Variants in COG5 observed in about 807,000 individuals in gnomAD.
COG5 encodes the protein conserved oligomeric Golgi complex subunit 5.
In COG5, 86 loss-of-function variants were observed where a neutral mutation model predicts 110.4. That is an observed-to-expected ratio of 0.78 (90% CI 0.65 to 0.93). The LOEUF (loss-of-function observed/expected upper bound fraction) is 0.93. Ranked by LOEUF, COG5 falls within the 40% of genes least tolerant of loss-of-function variation. The pLI is 0.00. For synonymous variants in COG5, 360 were observed against 334.6 expected, an observed-to-expected ratio of 1.08 and a Z score of -0.83; for missense variants, 1,077 against 987.0, an observed-to-expected ratio of 1.09 and a Z score of -1.22.
rs541629993 is a variant in COG5, at chr7:107,482,301, C to T, written c.538+44936G>A. Among the ~76,000 whole-genome samples, 13 of 151,746 alleles carry T rather than the reference C, an allele frequency of 8.6e-5. No homozygotes were observed. In the East Asian group the frequency reaches 2.3e-3, roughly 27 times the overall value. ...CGGACTACAGGCAGGCACCACCATA[C>T]CCAGCTAATTAAAAAAAAAAATTTT... On this transcript the variant is annotated intron_variant, in intron 6 of 21. Transcript: ENST00000297135.
chr7:107,451,943 C>T (rs1795365527), intron 6 of COG5, among the ~76,000 whole-genome samples: 1 of 152,060 alleles, frequency 6.6e-6, no homozygotes, highest in Non-Finnish European at 1.5e-5. Flanking sequence ...GAGTCAGCAA[C>T]CCTAGCCCCC....
At chr7:107,256,109 C>T (rs984369435) in intron 16 of COG5, among the ~76,000 whole-genome samples, 1 of 151,964 alleles carries the variant, frequency 6.6e-6, no homozygotes, top group African/African-American at 2.4e-5. Flanking sequence ...GAATCTCATA[C>T]CATTATTGTT....
At position 107,202,658 on chromosome 7, in the gene COG5, G is replaced by A. The variant is rs1262397847; in HGVS notation, c.*858C>T. ...TCCTAACACTGCTAATTAGGAGGCT[G>A]CTGATAGGATTTTAAAAATTAAAAA... On this transcript the variant is annotated 3_prime_UTR_variant, in exon 22 of 22. Coordinates refer to ENST00000297135, the MANE Select transcript of COG5 (RefSeq NM_006348.5). 6.6e-6 allele frequency: 1 copy of A among 152,120 alleles called. No individual in the cohort carries two copies. Among genetic ancestry groups the A allele is most frequent in the African/African-American group, 2.4e-5 (1 of 41,404 alleles). 9.4% of individuals were successfully genotyped at this position (152,120 alleles called of 1,614,324 possible). A position where few individuals can be genotyped will look rare whatever the true frequency, so the allele number is the denominator to read the frequency against.
At chr7:107,272,110 A>G (rs1259138782) in intron 14 of COG5, among the ~76,000 whole-genome samples, 1 of 152,112 alleles carries the variant, frequency 6.6e-6, no homozygotes, top group African/African-American at 2.4e-5. Context: ...TCCCAGAAAA[A>G]TTCTGTGAAA....
At chr7:107,289,967 G>A (rs1806029413) in intron 12 of COG5, among the ~76,000 whole-genome samples, 2 of 152,134 alleles carry the variant, frequency 1.3e-5, no homozygotes, top group African/African-American at 4.8e-5. Flanking sequence ...GCTGCAAGAT[G>A]GAAGGCCACA....
chr7:107,294,878 G>GCTA (rs371922839), intron 12 of COG5, among the ~76,000 whole-genome samples: 22,728 of 85,926 alleles, frequency 0.26, 2,381 homozygotes, highest in Middle Eastern at 0.34. Context: ...ACCATGCCTG[G>GCTA]ATTTGTGTGT....
chr7:107,499,614 C>T (rs1798509801), intron 6 of COG5, among the ~76,000 whole-genome samples: 1 of 151,974 alleles, frequency 6.6e-6, no homozygotes, highest in Non-Finnish European at 1.5e-5. Context: ...ACCATGTTGG[C>T]CCAGCTGGTC....
At chr7:107,385,258 A>G (rs544640545) in intron 7 of COG5, among the ~76,000 whole-genome samples, 7 of 152,342 alleles carry the variant, frequency 4.6e-5, no homozygotes, top group South Asian at 2.1e-4. Context: ...TCAAGAGTTC[A>G]AGGTGTTCTG....
chr7:107,369,568 T>C (rs1222776113), intron 8 of COG5, among the ~76,000 whole-genome samples: 1 of 151,890 alleles, frequency 6.6e-6, no homozygotes, highest in East Asian at 1.9e-4. Flanking sequence ...TCTGTATTTT[T>C]AGTAGAGAGG....
At chr7:107,338,223 C>A (rs1810872411) in intron 10 of COG5, among the ~76,000 whole-genome samples, 2 of 152,180 alleles carry the variant, frequency 1.3e-5, no homozygotes, top group Admixed American at 6.5e-5. Context: ...AACTAGTGGT[C>A]TCATACATTC....
At chr7:107,431,376 T>C (rs1011302142) in intron 6 of COG5, among the ~76,000 whole-genome samples, 1 of 152,212 alleles carries the variant, frequency 6.6e-6, no homozygotes, top group African/African-American at 2.4e-5. Context: ...TCAGTAAAGA[T>C]ATCTATAGAG....
Position 107,202,855 on chromosome 7 carries a change from T to C in COG5, c.*661A>G, listed in dbSNP as rs1798446700. 1 of 152,162 alleles carries C rather than the reference T, an allele frequency of 6.6e-6. No individual in the cohort carries two copies. Among genetic ancestry groups the C allele is most frequent in the African/African-American group, 2.4e-5 (1 of 41,274 alleles). 9.4% of individuals were successfully genotyped at this position (152,162 alleles called of 1,614,324 possible). ...AACATGACAAAGTGTAACAAAAGCCTTGCTTTATTTAAAGATCCAGTATGA... is the reference window on the plus strand; with the variant it reads ...AACATGACAAAGTGTAACAAAAGCCCTGCTTTATTTAAAGATCCAGTATGA... On this transcript the variant is annotated 3_prime_UTR_variant, in exon 22 of 22. Transcript: ENST00000297135.
chr7:107,446,077 T>G (rs1178717188), intron 6 of COG5, among the ~76,000 whole-genome samples: 1 of 152,180 alleles, frequency 6.6e-6, no homozygotes, highest in African/African-American at 2.4e-5. Context: ...CATATTCACA[T>G]GATATGACAA....
intron 11 of COG5, among the ~76,000 whole-genome samples, chr7:107,304,591 G>C (rs1015749584): frequency 6.6e-6 from 1 of 152,258 alleles, no homozygotes; most frequent in African/African-American, 2.4e-5. Context: ...CTGGTTTAAG[G>C]CTTCACAGGA....
intron 10 of COG5, among the ~76,000 whole-genome samples, chr7:107,333,127 C>T (rs907817996): frequency 3.9e-5 from 6 of 152,010 alleles, no homozygotes; most frequent in Admixed American, 6.6e-5. Flanking sequence ...GAGATCTCTG[C>T]GGATAAATCA....
chr7:107,333,845 T>C (rs1810474216), intron 10 of COG5, among the ~76,000 whole-genome samples: 1 of 152,168 alleles, frequency 6.6e-6, no homozygotes, highest in Non-Finnish European at 1.5e-5. Flanking sequence ...AGTTCCTCTT[T>C]AAACCCAAAT....
chr7:107,424,191 T>TC (rs1183934524), intron 6 of COG5, among the ~76,000 whole-genome samples: 1 of 152,048 alleles, frequency 6.6e-6, no homozygotes, highest in Non-Finnish European at 1.5e-5. Flanking sequence ...AAGAATCACT[T>TC]GAACCCAGGA....
chr7:107,248,513 A>C lies in COG5; in HGVS notation c.1750-14T>G, dbSNP rs199592702. 793 of 1,526,826 alleles carry C rather than the reference A, an allele frequency of 5.2e-4. No individual in the cohort carries two copies. Among genetic ancestry groups the C allele is most frequent in the Non-Finnish European group, 6.7e-4 (746 of 1,108,960 alleles). The allele number at this position is 1,526,826 out of a possible 1,614,324, so 94.6% of individuals were successfully genotyped here. A position where few individuals can be genotyped will look rare whatever the true frequency, so the allele number is the denominator to read the frequency against. On this transcript the variant is annotated splice_polypyrimidine_tract_variant and intron_variant, in intron 16 of 21. Transcript: ENST00000297135. ...AGCATGAATAGCCTAAAAAAAAAAA[A>C]GAAAGAAAAAAAAGAAGAGGCAAGA...
intron 6 of COG5, among the ~76,000 whole-genome samples, chr7:107,520,174 C>T (rs149582040): frequency 6.6e-6 from 1 of 152,086 alleles, no homozygotes; most frequent in Non-Finnish European, 1.5e-5. Flanking sequence ...TTATGACAAA[C>T]CCATAGCCAA....
Sources: gnomAD v4.1 joint callset for allele counts (sites outside exome capture counted in the v4.1 genomes callset) on GRCh38, gnomAD v4.1.1 for gene constraint, MANE v1.5 for transcripts, NCBI Gene and HGNC (gene_info 2026-07-23, HGNC 2026-07-21) for gene names.